Variants in OARD1 observed in about 807,000 individuals in gnomAD.
The protein encoded by OARD1 is ADP-ribose glycohydrolase OARD1.
A neutral mutation model predicts 19.7 loss-of-function variants in OARD1; 19 were observed. The ratio of observed to expected loss-of-function variants is 0.96; its 90% CI spans 0.67 to 1.41. The LOEUF (loss-of-function observed/expected upper bound fraction) is 1.41, where lower values mean the gene tolerates loss of function less well. Ranked by LOEUF, OARD1 falls within the 40% of genes most tolerant of loss-of-function variation. OARD1 has a pLI of 0.00. For missense variants in OARD1, 190 were observed against 183.8 expected (o/e 1.03, Z -0.20); for synonymous variants, 70 against 61.8 (o/e 1.13, Z -0.62).
intron 4 of OARD1, chr6:41,069,230 A>G (rs1227812935): frequency 2.1e-5 from 5 of 235,920 alleles, no homozygotes; most frequent in Non-Finnish European, 4.1e-5. Flanking sequence ...GCCTATTGTC[A>G]ATATTTTTAA....
intron 1 of OARD1, chr6:41,093,040 C>T: frequency 6.2e-7 from 1 of 1,613,926 alleles, no homozygotes; most frequent in Non-Finnish European, 8.5e-7. Context: ...GGAGGCAAGC[C>T]CGAGCTAAAC....
chr6:41,081,255 C>T (rs1023830157), intron 1 of OARD1, among the ~76,000 whole-genome samples: 22 of 152,108 alleles, frequency 1.4e-4, no homozygotes, highest in Admixed American at 3.9e-4. Context: ...TTTGGGAGGC[C>T]GAGGCAGGCG....
At chr6:41,097,402 G>A in intron 1 of OARD1, 1 of 1,613,946 alleles carries the variant, frequency 6.2e-7, no homozygotes, top group Non-Finnish European at 8.5e-7. Context: ...GATCATCCGA[G>A]TGTCCTAACC....
chr6:41,093,590 C>T (rs1458723912), intron 1 of OARD1, among the ~76,000 whole-genome samples: 2 of 152,132 alleles, frequency 1.3e-5, no homozygotes, highest in Non-Finnish European at 2.9e-5. Context: ...CCTGCCTCAG[C>T]CTCCTGAGTA....
At chr6:41,071,079 A>T (rs779621925) in intron 3 of OARD1, 53 bp downstream of exon 3, 3 of 1,574,186 alleles carry the variant, frequency 1.9e-6, no homozygotes, top group Admixed American at 3.3e-5. Flanking sequence ...AGTGTAACAG[A>T]TTAAAAGGTG....
At chr6:41,079,303 A>G (rs975963184) in intron 1 of OARD1, 1 of 753,504 alleles carries the variant, frequency 1.3e-6, no homozygotes, top group African/African-American at 1.7e-5. Context: ...GCTTGTGCTG[A>G]AATGCCATGT....
At chr6:41,080,968 G>A (rs1763889618) in intron 1 of OARD1, 1 of 1,262,140 alleles carries the variant, frequency 7.9e-7, no homozygotes. Flanking sequence ...TGCTGTTTGT[G>A]TTAGGATCTC....
intron 1 of OARD1, among the ~76,000 whole-genome samples, chr6:41,086,120 T>C (rs1764036592): frequency 6.6e-6 from 1 of 152,210 alleles, no homozygotes. Flanking sequence ...TTGCTTCCTC[T>C]CCAGTCCCCC....
At chr6:41,071,399 A>G (rs1763378307) in intron 2 of OARD1, 123 bp from the exon 3 acceptor site, 1 of 1,085,882 alleles carries the variant, frequency 9.2e-7, no homozygotes, top group Admixed American at 2.2e-5. Flanking sequence ...AATCTGATTT[A>G]AAGCCAAACC....
intron 1 of OARD1, chr6:41,094,578 C>T (rs1198425425): frequency 2.1e-5 from 21 of 1,013,422 alleles, no homozygotes; most frequent in Non-Finnish European, 2.3e-5. Context: ...TGTCCTCTTG[C>T]TATTTTCCTA....
At chr6:41,079,281 T>C (rs1204132709) in intron 1 of OARD1, 3 of 938,336 alleles carry the variant, frequency 3.2e-6, no homozygotes, top group South Asian at 1.5e-5. Flanking sequence ...TTGTGAGATA[T>C]TGGGTCTGAT....
intron 1 of OARD1, among the ~76,000 whole-genome samples, chr6:41,080,133 C>T (rs1471857527): frequency 6.6e-6 from 1 of 152,092 alleles, no homozygotes; most frequent in South Asian, 2.1e-4. Flanking sequence ...GCTCTTAAAG[C>T]AGTCCAGTTG....
chr6:41,089,576 C>T, intron 1 of OARD1: 1 of 1,603,100 alleles, frequency 6.2e-7, no homozygotes, highest in Non-Finnish European at 8.5e-7. Flanking sequence ...TTCTTTTCTG[C>T]AGATACAGTT....
chr6:41,084,007 C>T (rs957521469), intron 1 of OARD1: 23 of 1,548,596 alleles, frequency 1.5e-5, no homozygotes, highest in Non-Finnish European at 2.0e-5. Flanking sequence ...CATTTTGTGT[C>T]TTATGTTATT....
chr6:41,068,696 T>C (rs1763155987), intron 5 of OARD1, 145 bp downstream of exon 5: 1 of 515,342 alleles, frequency 1.9e-6, no homozygotes, highest in East Asian at 3.3e-5. Flanking sequence ...AGACAACTGG[T>C]TCACTGGTGG....
chr6:41,088,632 G>A (rs925291550), intron 1 of OARD1, among the ~76,000 whole-genome samples: 1 of 151,872 alleles, frequency 6.6e-6, no homozygotes, highest in African/African-American at 2.4e-5. Flanking sequence ...TGCCTAGGCT[G>A]GAATGCAGTG....
chr6:41,071,325 ATAC>A, intron 2 of OARD1, 49 bp from the exon 3 acceptor site: 1 of 1,555,830 alleles, frequency 6.4e-7, no homozygotes, highest in Non-Finnish European at 8.8e-7. Context: ...ATACAGTAAA[ATAC>A]TAAGCTATTT....
At chr6:41,077,107 G>T (rs1310258048), upstream of OARD1, among the ~76,000 whole-genome samples, 1 of 152,164 alleles carries the variant, frequency 6.6e-6, no homozygotes, top group Non-Finnish European at 1.5e-5. Context: ...GTCTTGTAAA[G>T]ATGTAAACTT....
intron 1 of OARD1, among the ~76,000 whole-genome samples, chr6:41,081,667 C>T (rs1361354681): frequency 6.6e-6 from 1 of 152,182 alleles, no homozygotes; most frequent in Non-Finnish European, 1.5e-5. Context: ...GAAAAATAAT[C>T]ATTGCACTTG....
Sources: allele counts gnomAD v4.1 joint callset (sites outside exome capture counted in the v4.1 genomes callset), GRCh38; gene constraint gnomAD v4.1.1; transcripts MANE v1.5; gene names NCBI Gene and HGNC (gene_info 2026-07-23, HGNC 2026-07-21).